The following ERC1 variants were observed in gnomAD, a reference collection of about 807,000 sequenced individuals.
ERC1 encodes the protein ELKS/RAB6-interacting/CAST family member 1, also known as RAB6 interacting protein 2.
In ERC1, 56 loss-of-function variants were observed where a neutral mutation model predicts 132.0. The observed-to-expected ratio is 0.42, with a 90% confidence interval of 0.34 to 0.53. The LOEUF (loss-of-function observed/expected upper bound fraction) is 0.53, where lower values mean the gene tolerates loss of function less well. ERC1 is among the 20% of genes least tolerant of loss of function. The pLI, the probability that ERC1 is intolerant of heterozygous loss-of-function variation, is 0.03. For synonymous variants in ERC1, 478 were observed against 476.1 expected, an observed-to-expected ratio of 1.00 and a Z score of -0.05; for missense variants, 1,202 against 1,349.9, an observed-to-expected ratio of 0.89 and a Z score of 1.72.
At chr12:1,147,700 T>C (rs1156340882) in intron 8 of ERC1, among the ~76,000 whole-genome samples, 1 of 152,200 alleles carries the variant, frequency 6.6e-6, no homozygotes, top group African/African-American at 2.4e-5. Flanking sequence ...ATTTTTAAAA[T>C]TTCGCTGGTT....
intron 16 of ERC1, among the ~76,000 whole-genome samples, chr12:1,402,774 A>G (rs547811322): frequency 6.6e-6 from 1 of 152,310 alleles, no homozygotes; most frequent in Middle Eastern, 3.4e-3. Flanking sequence ...ACATAGTGAG[A>G]CAGATTGTTC....
intron 1 of ERC1, among the ~76,000 whole-genome samples, chr12:1,021,042 C>G (rs149111152): frequency 1.3e-5 from 2 of 152,066 alleles, no homozygotes; most frequent in Non-Finnish European, 2.9e-5. Flanking sequence ...CGGGTTCAAG[C>G]GATTCTTCTG....
intron 1 of ERC1, among the ~76,000 whole-genome samples, chr12:1,005,815 A>G (rs990568560): frequency 3.9e-5 from 6 of 152,182 alleles, no homozygotes; most frequent in Non-Finnish European, 8.8e-5. Context: ...TACAGCAAGT[A>G]TATACATGTA....
chr12:1,183,544 A>T (rs1326065915), intron 11 of ERC1, 123 bp downstream of exon 11: 2 of 514,736 alleles, frequency 3.9e-6, no homozygotes, highest in Non-Finnish European at 6.6e-6. Flanking sequence ...TTAAAATACC[A>T]TGTATATCTG....
chr12:1,328,905 G>GGGA (rs2082660539), intron 15 of ERC1, among the ~76,000 whole-genome samples: 1 of 121,306 alleles, frequency 8.2e-6, no homozygotes, highest in African/African-American at 3.4e-5. Context: ...TTCTTGGGGA[G>GGGA]GGAGGGTCCT....
intron 18 of ERC1, among the ~76,000 whole-genome samples, chr12:1,457,814 G>C (rs533593844): frequency 1.3e-5 from 2 of 152,200 alleles, no homozygotes; most frequent in Admixed American, 6.5e-5. Context: ...GGTCACTTGA[G>C]CCCAGCAGGT....
At chr12:1,406,880 T>C (rs534880214) in intron 16 of ERC1, among the ~76,000 whole-genome samples, 13 of 152,128 alleles carry the variant, frequency 8.5e-5, no homozygotes, top group Admixed American at 7.2e-4. Context: ...CTCTAAAATA[T>C]AACAAAGAAA....
intron 16 of ERC1, among the ~76,000 whole-genome samples, chr12:1,400,914 G>GTT (rs1566774897): frequency 2.7e-4 from 3 of 11,118 alleles, no homozygotes; most frequent in Non-Finnish European, 4.4e-4. Context: ...GGCTATTTTT[G>GTT]TATTTTTTTT....
chr12:1,320,350 CTTAA>C (rs1168537518), intron 15 of ERC1, among the ~76,000 whole-genome samples: 55 of 152,152 alleles, frequency 3.6e-4, no homozygotes, highest in Non-Finnish European at 2.4e-4. Context: ...TGTGCATCTC[CTTAA>C]TTGTTAGGTG....
intron 18 of ERC1, among the ~76,000 whole-genome samples, chr12:1,489,277 C>T (rs2094290966): frequency 6.6e-6 from 1 of 152,210 alleles, no homozygotes; most frequent in African/African-American, 2.4e-5. Flanking sequence ...GGACTCTAGT[C>T]AGCTCTGAAG....
At chr12:1,067,757 G>T (rs1939487179) in intron 2 of ERC1, among the ~76,000 whole-genome samples, 1 of 152,082 alleles carries the variant, frequency 6.6e-6, no homozygotes, top group Non-Finnish European at 1.5e-5. Flanking sequence ...TAGTTCTCTT[G>T]CCTAGGAAAA....
At chr12:1,438,954 A>AAAAAAAAAATATATATATAT (rs1015181197) in intron 17 of ERC1, among the ~76,000 whole-genome samples, 4 of 143,492 alleles carry the variant, frequency 2.8e-5, no homozygotes, top group African/African-American at 1.0e-4. Flanking sequence ...TTTAAAAAAA[A>AAAAAAAAAATATATATATAT]ATATATATAT....
chr12:1,421,081 A>G (rs1299823507), intron 17 of ERC1, among the ~76,000 whole-genome samples: 1 of 152,214 alleles, frequency 6.6e-6, no homozygotes, highest in South Asian at 2.1e-4. Context: ...TAATTAGCAT[A>G]TCTGTCACCT....
intron 3 of ERC1, among the ~76,000 whole-genome samples, chr12:1,103,564 G>C (rs1944910366): frequency 6.6e-6 from 1 of 152,160 alleles, no homozygotes; most frequent in South Asian, 2.1e-4. Context: ...CGTGGAGATG[G>C]CAAGAAGTGC....
At chr12:1,385,684 C>G (rs1356800842) in intron 16 of ERC1, 1 of 152,220 alleles carries the variant, frequency 6.6e-6, no homozygotes, top group Non-Finnish European at 1.5e-5. Context: ...CTAGAGCTCT[C>G]TTTGTATTTA....
At chr12:1,042,486 C>CA (rs1301248621) in intron 2 of ERC1, among the ~76,000 whole-genome samples, 1 of 151,736 alleles carries the variant, frequency 6.6e-6, no homozygotes, top group Non-Finnish European at 1.5e-5. Context: ...GCTGGGATTA[C>CA]AGGCACCTGC....
chr12:1,359,105 C>G (rs948572751), intron 15 of ERC1, among the ~76,000 whole-genome samples: 2 of 152,152 alleles, frequency 1.3e-5, no homozygotes, highest in African/African-American at 4.8e-5. Flanking sequence ...GCCCTCAAAA[C>G]TTTGACCAAG....
intron 16 of ERC1, among the ~76,000 whole-genome samples, chr12:1,395,815 GA>G (rs1052769974): frequency 9.9e-5 from 15 of 152,052 alleles, no homozygotes; most frequent in African/African-American, 3.1e-4. Flanking sequence ...CCAAGAGGGG[GA>G]AAAAAGTAGT....
intron 15 of ERC1, among the ~76,000 whole-genome samples, chr12:1,322,207 C>G (rs1414067171): frequency 7.0e-6 from 1 of 142,930 alleles, no homozygotes; most frequent in Non-Finnish European, 1.6e-5. Flanking sequence ...ATAATAATAA[C>G]TAATTCATAA....
Sources: allele counts gnomAD v4.1 joint callset (sites outside exome capture counted in the v4.1 genomes callset), GRCh38; gene constraint gnomAD v4.1.1; transcripts MANE v1.5; gene names NCBI Gene and HGNC (gene_info 2026-07-23, HGNC 2026-07-21).